MAP4K4: variants seen among roughly 807,000 people sequenced by gnomAD.
MAP4K4 encodes HPK/GCK-like kinase HGK.
In MAP4K4, 38 loss-of-function variants were observed where a neutral mutation model predicts 189.6. That is an observed-to-expected ratio of 0.20 (90% confidence interval 0.15 to 0.26). The LOEUF is 0.26. Ranked by LOEUF, MAP4K4 falls within the 10% of genes least tolerant of loss-of-function variation. The probability of loss-of-function intolerance (pLI) is 1.00; values close to 1 mark genes in which losing one functional copy is unlikely to be tolerated. For missense variants in MAP4K4, 1,054 were observed against 1,726.9 expected (o/e 0.61, Z 6.91); for synonymous variants, 610 against 624.3 (o/e 0.98, Z 0.34).
rs1459496277 is a variant in MAP4K4, at chr2:101,866,588, C to T, written c.2356+9C>T. On this transcript the variant is annotated intron_variant, in intron 19 of 32. Coordinates refer to ENST00000324219, the Ensembl canonical transcript of MAP4K4. ...ACGCTTCAGAGTGAGATGTAAGCTG[C>T]CTTTCCTTTCCTTTTTCCCTGCTAA... is the stretch of plus-strand genomic sequence containing the variant. The T allele has an allele frequency of 6.2e-7, 1 of 1,606,850 alleles. No homozygotes were observed. The highest frequency in any genetic ancestry group is 2.2e-5 in the East Asian group (1 of 44,644).
chr2:101,779,687 A>C (rs1308730937), intron 2 of MAP4K4, among the ~76,000 whole-genome samples: 4 of 152,002 alleles, frequency 2.6e-5, no homozygotes, highest in Admixed American at 6.6e-5. Context: ...ATGAGTTTGC[A>C]TGAGAGTGCT....
chr2:101,846,663 A>G (rs760152562), intron 12 of MAP4K4, among the ~76,000 whole-genome samples: 6 of 152,214 alleles, frequency 3.9e-5, no homozygotes, highest in Non-Finnish European at 7.4e-5. Context: ...TGTGAAAACA[A>G]CAATTTTGTG....
intron 2 of MAP4K4, among the ~76,000 whole-genome samples, chr2:101,730,572 GCT>G (rs1559128958): frequency 6.6e-6 from 1 of 152,154 alleles, no homozygotes. Flanking sequence ...TAACTCCAGA[GCT>G]CTGGTGGGAT....
chr2:101,760,739 C>A (rs935540006), intron 2 of MAP4K4, among the ~76,000 whole-genome samples: 5 of 152,066 alleles, frequency 3.3e-5, no homozygotes, highest in Non-Finnish European at 7.4e-5. Context: ...CGCAGTGGCT[C>A]ACGCCTGTAA....
chr2:101,830,951 C>A (rs901764280), intron 6 of MAP4K4, among the ~76,000 whole-genome samples: 5 of 152,320 alleles, frequency 3.3e-5, no homozygotes, highest in Admixed American at 3.3e-4. Flanking sequence ...GTGCATGAAT[C>A]TATGATCCCT....
intron 2 of MAP4K4, among the ~76,000 whole-genome samples, chr2:101,779,784 A>G (rs1461501585): frequency 1.3e-5 from 2 of 151,376 alleles, no homozygotes; most frequent in East Asian, 3.9e-4. Context: ...GAAAACTTGA[A>G]AGGTGGGGTT....
chr2:101,833,417 G>T (rs943561753), intron 7 of MAP4K4, among the ~76,000 whole-genome samples: 6 of 151,872 alleles, frequency 4.0e-5, no homozygotes, highest in East Asian at 3.9e-4. Flanking sequence ...TCAAGAGATC[G>T]AGACCATCCT....
chr2:101,780,669 C>T (rs1364942407), intron 2 of MAP4K4, among the ~76,000 whole-genome samples: 1 of 152,172 alleles, frequency 6.6e-6, no homozygotes, highest in Non-Finnish European at 1.5e-5. Flanking sequence ...AACCTGGGTT[C>T]CCCACTTGGT....
intron 2 of MAP4K4, among the ~76,000 whole-genome samples, chr2:101,757,460 C>T (rs2073475338): frequency 6.6e-6 from 1 of 152,104 alleles, no homozygotes; most frequent in Admixed American, 6.6e-5. Flanking sequence ...TGGTAGAAGT[C>T]AAGACCTGAA....
intron 3 of MAP4K4, among the ~76,000 whole-genome samples, chr2:101,794,533 A>T (rs2093441753): frequency 6.6e-6 from 1 of 152,166 alleles, no homozygotes. Context: ...ATTTGTTAAC[A>T]TTTTGTTTGT....
intron 2 of MAP4K4, 32 bp downstream of exon 2, chr2:101,698,570 G>GC (rs1471693795): frequency 1.2e-6 from 2 of 1,605,942 alleles, no homozygotes; most frequent in Non-Finnish European, 1.7e-6. Context: ...GTTTCCCGTG[G>GC]CATGTGGAAA....
chr2:101,707,479 G>T (rs981868680), intron 2 of MAP4K4, among the ~76,000 whole-genome samples: 3 of 152,032 alleles, frequency 2.0e-5, no homozygotes, highest in Non-Finnish European at 4.4e-5. Context: ...AAAGTGCTGG[G>T]ATTACAGGCA....
intron 2 of MAP4K4, among the ~76,000 whole-genome samples, chr2:101,748,048 A>G (rs1446766298): frequency 1.3e-5 from 2 of 152,216 alleles, no homozygotes; most frequent in African/African-American, 4.8e-5. Context: ...TATCAGTTGT[A>G]TACATTGTAG....
exon 29 of MAP4K4, chr2:101,885,193 A>G (rs772465744): frequency 1.3e-6 from 2 of 1,588,194 alleles, no homozygotes; most frequent in Non-Finnish European, 1.7e-6. Flanking sequence ...TCAGTAAAAT[A>G]TGAAAGAATC....
chr2:101,869,645 G>A, exon 22 of MAP4K4: 1 of 1,610,408 alleles, frequency 6.2e-7, no homozygotes, highest in Non-Finnish European at 8.5e-7. Context: ...TGGCCAAAGA[G>A]CTTCGAGCAG....
chr2:101,851,428 A>C (rs1275869789), intron 12 of MAP4K4, among the ~76,000 whole-genome samples: 1 of 152,204 alleles, frequency 6.6e-6, no homozygotes, highest in African/African-American at 2.4e-5. Context: ...AATCATAGGC[A>C]TAAGGTTAAC....
chr2:101,885,075 G>A (rs1237025780), intron 28 of MAP4K4, 112 bp from the exon 29 acceptor site: 1 of 481,744 alleles, frequency 2.1e-6, no homozygotes, highest in African/African-American at 2.0e-5. Context: ...TTGTTTGGAT[G>A]AATGAATAGA....
chr2:101,763,875 T>TAA (rs891377277), intron 2 of MAP4K4, among the ~76,000 whole-genome samples: 1 of 151,652 alleles, frequency 6.6e-6, no homozygotes, highest in Non-Finnish European at 1.5e-5. Flanking sequence ...TAATCTGACT[T>TAA]AAAAAAAAAT....
At chr2:101,867,455 A>G (rs2097849705) in intron 20 of MAP4K4, 146 bp downstream of exon 20, 1 of 622,138 alleles carries the variant, frequency 1.6e-6, no homozygotes, top group African/African-American at 1.8e-5. Context: ...TAAACCCCAG[A>G]CATACTTGTT....
Sources: allele counts gnomAD v4.1 joint callset (sites outside exome capture counted in the v4.1 genomes callset), GRCh38; gene constraint gnomAD v4.1.1; transcripts MANE v1.5; gene names NCBI Gene and HGNC (gene_info 2026-07-23, HGNC 2026-07-21).